The following C16orf78 variants were observed in gnomAD, a reference collection of about 807,000 sequenced individuals.
C16orf78 encodes the protein chromosome 16 open reading frame 78.
C16orf78 carries 19 observed loss-of-function variants against 27.3 expected under a neutral mutation model. The observed-to-expected ratio is 0.70, with a 90% CI of 0.49 to 1.02. The LOEUF (loss-of-function observed/expected upper bound fraction) is 1.02. Among genes scored for constraint, C16orf78 ranks in the 50% least tolerant of loss-of-function variants. The probability of loss-of-function intolerance (pLI) is 0.00; values close to 1 mark genes in which losing one functional copy is unlikely to be tolerated. For missense variants in C16orf78, 339 were observed against 337.0 expected (o/e 1.01, Z -0.05); for synonymous variants, 130 against 116.1 (o/e 1.12, Z -0.77).
At chr16:49,394,229 C>A (rs1965445564) in intron 3 of C16orf78, among the ~76,000 whole-genome samples, 1 of 151,866 alleles carries the variant, frequency 6.6e-6, no homozygotes, top group South Asian at 2.1e-4. Context: ...TAAATTAATG[C>A]AGAACTTTAA....
chr16:49,396,273 G>A (rs1386063181), intron 3 of C16orf78, 150 bp from the exon 4 acceptor site: 2 of 829,820 alleles, frequency 2.4e-6, no homozygotes, highest in Non-Finnish European at 3.7e-6. Context: ...GGGGTATAGA[G>A]AACCTGTGGA....
chr16:49,396,740 T>C, intron 4 of C16orf78, 62 bp downstream of exon 4: 1 of 1,555,432 alleles, frequency 6.4e-7, no homozygotes, highest in South Asian at 1.2e-5. Context: ...TGCTCACTCT[T>C]GTCCCTGGCT....
Position 49,376,257 on chromosome 16 carries a change from T to C in C16orf78, c.151-1474T>C, listed in dbSNP as rs149514200. 7.0e-4 allele frequency among the ~76,000 whole-genome samples: 106 copies of C among 152,332 alleles called. 2 individuals carry two copies. Among genetic ancestry groups the C allele is most frequent in the African/African-American group, 2.4e-3 (101 of 41,590 alleles). ...ACAGACTGCTCATGGTATTTCCCCC[T>C]TGTGATCCATTTGGCATCAGCGAAG... On this transcript the variant is annotated intron_variant, in intron 1 of 4. Transcript: ENST00000299191.
Position 49,373,967 on chromosome 16 carries a change from G to C in C16orf78, c.28G>C (p.Asp10His). 1 of 1,614,184 alleles carries C rather than the reference G, an allele frequency of 6.2e-7. No homozygotes were observed. Among genetic ancestry groups the C allele is most frequent in the East Asian group, 2.2e-5 (1 of 44,892 alleles). The part of the protein sequence containing the change: MSEQQMDLK[D>H]LMPTKRKYMW... ...GTCAGAGCAACAAATGGACCTGAAGGATTTAATGCCCACAAAGAGGAAATA... is the reference window on the plus strand; with the variant it reads ...GTCAGAGCAACAAATGGACCTGAAGCATTTAATGCCCACAAAGAGGAAATA... Residue 10 changes from aspartate (D) to histidine (H), a missense_variant, in exon 1 of 5, where the codon GAT (aspartate) becomes CAT (histidine). Asp to His is a moderately conservative substitution (Grantham distance 81). Transcript: ENST00000299191.
At chr16:49,387,172 T>C (rs144116656) in intron 3 of C16orf78, among the ~76,000 whole-genome samples, 1 of 152,352 alleles carries the variant, frequency 6.6e-6, no homozygotes, top group African/African-American at 2.4e-5. Flanking sequence ...CATTGTGGTT[T>C]TGATTTGCAT....
intron 3 of C16orf78, among the ~76,000 whole-genome samples, chr16:49,386,100 C>T (rs1367881822): frequency 6.6e-6 from 1 of 151,846 alleles, no homozygotes; most frequent in Non-Finnish European, 1.5e-5. Flanking sequence ...CAGAAACTGT[C>T]ACAAGAAAAA....
chr16:49,389,374 C>T (rs918508516), intron 3 of C16orf78, among the ~76,000 whole-genome samples: 7 of 151,412 alleles, frequency 4.6e-5, no homozygotes, highest in Non-Finnish European at 7.4e-5. Flanking sequence ...TACAGTGAGC[C>T]GAGGTCGTGA....
chr16:49,381,064 T>C (rs1596921895), intron 3 of C16orf78, among the ~76,000 whole-genome samples: 2 of 151,914 alleles, frequency 1.3e-5, no homozygotes, highest in Non-Finnish European at 2.9e-5. Flanking sequence ...AGTCAGGTAG[T>C]GTGATGCCTC....
At chr16:49,374,920 A>G (rs1965195192) in intron 1 of C16orf78, among the ~76,000 whole-genome samples, 2 of 152,148 alleles carry the variant, frequency 1.3e-5, no homozygotes, top group African/African-American at 4.8e-5. Context: ...CTGGTCTTGA[A>G]TCTCCTGACC....
At chr16:49,389,673 A>C (rs152662) in intron 3 of C16orf78, among the ~76,000 whole-genome samples, 10 of 152,290 alleles carry the variant, frequency 6.6e-5, no homozygotes, top group African/African-American at 2.4e-4. Flanking sequence ...GTCTATCTTC[A>C]TTTTATGTAA....
intron 1 of C16orf78, among the ~76,000 whole-genome samples, chr16:49,374,739 T>A (rs1032512899): frequency 5.3e-5 from 8 of 152,182 alleles, no homozygotes; most frequent in Non-Finnish European, 1.0e-4. Flanking sequence ...CTAACATACC[T>A]CCTCTTTTCT....
At position 49,378,687 on chromosome 16, in the gene C16orf78, T is replaced by C. The variant is rs749088278; in HGVS notation, c.394+94T>C. 7.1e-4 allele frequency: 1,098 copies of C among 1,548,312 alleles called. 1 individual carries two copies. The highest frequency in any genetic ancestry group is 7.4e-4 in the Non-Finnish European group (849 of 1,143,886). On this transcript the variant is annotated intron_variant, in intron 3 of 4. Coordinates refer to ENST00000299191, the MANE Select transcript of C16orf78 (RefSeq NM_144602.4). ...AAAGCTCACGCCATTCTTAGAGCAG[T>C]AGCGTCCACGTCAATCCAACCATTG...
chr16:49,390,941 C>T (rs562854361), intron 3 of C16orf78, among the ~76,000 whole-genome samples: 53 of 152,310 alleles, frequency 3.5e-4, no homozygotes, highest in African/African-American at 1.2e-3. Flanking sequence ...TCTTTCCCCT[C>T]ACTCAAGGAT....
At chr16:49,377,886 G>T (rs1276152821) in intron 2 of C16orf78, 36 bp downstream of exon 2, 11 of 1,550,820 alleles carry the variant, frequency 7.1e-6, no homozygotes, top group Non-Finnish European at 8.7e-6. Context: ...CACCCCCACT[G>T]GGTCTCCAAA....
At chr16:49,378,767 T>A (rs1330458836) in intron 3 of C16orf78, among the ~76,000 whole-genome samples, 174 bp downstream of exon 3, 2 of 151,960 alleles carry the variant, frequency 1.3e-5, no homozygotes, top group Non-Finnish European at 2.9e-5. Flanking sequence ...ACTCCTGGGG[T>A]CGCTCTTGGC....
Position 49,377,960 on chromosome 16 carries a change from C to G in C16orf78, c.270+110C>G, listed in dbSNP as rs77895929. ...GCCTACTTTCTAAATTTCAAGGCTCCGAAATTCACTCTGGCCCCACATTAA... is the reference window on the plus strand; with the variant it reads ...GCCTACTTTCTAAATTTCAAGGCTCGGAAATTCACTCTGGCCCCACATTAA... On this transcript the variant is annotated intron_variant, in intron 2 of 4. Coordinates refer to ENST00000299191, the MANE Select transcript of C16orf78 (RefSeq NM_144602.4). The G allele has an allele frequency of 2.2e-3, 3,093 of 1,386,062 alleles. 68 individuals are homozygous for G. The African/African-American group carries it at 0.041, about 18-fold the overall frequency. 85.9% of individuals were successfully genotyped at this position (1,386,062 alleles called of 1,614,324 possible).
intron 4 of C16orf78, 79 bp downstream of exon 4, chr16:49,396,757 C>A: frequency 6.6e-7 from 1 of 1,515,300 alleles, no homozygotes; most frequent in Non-Finnish European, 8.8e-7. Context: ...GGCTCAAACA[C>A]CTTGGCTTAG....
At position 49,378,503 on chromosome 16, in the gene C16orf78, T is replaced by A; in HGVS notation, c.304T>A (p.Ser102Thr). 6.2e-7 allele frequency: 1 copy of A among 1,605,104 alleles called. No individual in the cohort carries two copies. The highest frequency in any genetic ancestry group is 8.5e-7 in the Non-Finnish European group (1 of 1,175,568). ...AAAGAGATTCAGGAAGGACGCCGCC[T>A]CCTACCGAAGCCTCTATGGAGTGGA... ...LGKRFRKDAASYRSLYGVEQK... is the reference protein window; with the variant it reads ...LGKRFRKDAATYRSLYGVEQK... The change falls in exon 3 of 5, where the codon TCC becomes ACC. Residue 102 changes from serine to threonine, a missense_variant. Physicochemically the swap from Ser to Thr is moderately conservative, Grantham distance 58 (BLOSUM62 1). Transcript: ENST00000299191.
At position 49,374,012 on chromosome 16, in the gene C16orf78, G is replaced by A; in HGVS notation, c.73G>A (p.Asp25Asn). 1.2e-6 allele frequency: 2 copies of A among 1,614,218 alleles called. No homozygotes were observed. The highest frequency in any genetic ancestry group is 2.2e-5 in the East Asian group (1 of 44,884). ...KRKYMWKTAEDRRMSDLTCVL... is the reference protein window; with the variant it reads ...KRKYMWKTAENRRMSDLTCVL... Reference sequence around the variant, plus strand: ...GAAATACATGTGGAAGACTGCTGAAGATAGGCGCATGTCTGACCTCACCTG... The same window carrying A: ...GAAATACATGTGGAAGACTGCTGAAAATAGGCGCATGTCTGACCTCACCTG... Residue 25 changes from aspartate to asparagine, a missense_variant, in exon 1 of 5, where the codon GAT (aspartate) becomes AAT (asparagine). Asp to Asn is a conservative substitution (Grantham distance 23). Transcript: ENST00000299191.
Sources: gnomAD v4.1 joint callset for allele counts (sites outside exome capture counted in the v4.1 genomes callset) on GRCh38, gnomAD v4.1.1 for gene constraint, MANE v1.5 for transcripts, NCBI Gene and HGNC (gene_info 2026-07-23, HGNC 2026-07-21) for gene names.